Variants in TMCC1 observed in about 807,000 individuals in gnomAD.
TMCC1 encodes transmembrane and coiled-coil domains protein 1.
Under a neutral mutation model 52.4 loss-of-function variants are expected in TMCC1, and 15 were observed. The observed-to-expected ratio is 0.29, with a 90% CI of 0.19 to 0.44. The LOEUF (loss-of-function observed/expected upper bound fraction) is 0.44. Among genes scored for constraint, TMCC1 ranks in the 20% least tolerant of loss-of-function variants. TMCC1 has a pLI of 1.00. For synonymous variants in TMCC1, 279 were observed against 301.9 expected, an observed-to-expected ratio of 0.92 and a Z score of 0.79; for missense variants, 503 against 806.0, an observed-to-expected ratio of 0.62 and a Z score of 4.55.
At chr3:129,754,587 A>G (rs530789620) in intron 4 of TMCC1, among the ~76,000 whole-genome samples, 60 of 152,338 alleles carry the variant, frequency 3.9e-4, no homozygotes, top group South Asian at 1.0e-3. Context: ...CATTTTTACA[A>G]AGGTGCAAAG....
chr3:129,736,531 T>G (rs2050981803), intron 4 of TMCC1, among the ~76,000 whole-genome samples: 1 of 151,412 alleles, frequency 6.6e-6, no homozygotes, highest in South Asian at 2.1e-4. Flanking sequence ...TTTCTTTTTT[T>G]TTTTTTTTGA....
chr3:129,827,768 T>C (rs779308154), intron 4 of TMCC1, 35 bp downstream of exon 4: 2 of 1,594,246 alleles, frequency 1.3e-6, no homozygotes, highest in Non-Finnish European at 8.6e-7. Context: ...TGAAAAACAG[T>C]AAGTTAACAG....
intron 5 of TMCC1, among the ~76,000 whole-genome samples, chr3:129,669,436 A>T (rs548322055): frequency 5.8e-4 from 84 of 144,460 alleles, no homozygotes; most frequent in South Asian, 4.4e-3. Context: ...TTAGAAAAAA[A>T]TTTTTTTTTT....
intron 4 of TMCC1, among the ~76,000 whole-genome samples, chr3:129,684,554 C>G (rs1576439854): frequency 6.6e-6 from 1 of 152,208 alleles, no homozygotes; most frequent in Non-Finnish European, 1.5e-5. Context: ...GGATTCTGGA[C>G]TTACTCCAGA....
chr3:129,702,641 C>A (rs1470653077), intron 4 of TMCC1, among the ~76,000 whole-genome samples: 1 of 152,022 alleles, frequency 6.6e-6, no homozygotes, highest in African/African-American at 2.4e-5. Flanking sequence ...ATTTCCAAAT[C>A]CCAGGTGAAC....
chr3:129,760,730 G>A (rs1288242098), intron 4 of TMCC1, among the ~76,000 whole-genome samples: 1 of 151,614 alleles, frequency 6.6e-6, no homozygotes, highest in East Asian at 2.0e-4. Context: ...GCCCGCCTCG[G>A]GCTTCCAAAG....
intron 5 of TMCC1, among the ~76,000 whole-genome samples, chr3:129,660,470 T>C (rs992120591): frequency 3.9e-5 from 6 of 152,224 alleles, no homozygotes; most frequent in African/African-American, 1.2e-4. Context: ...TTCATTTCTT[T>C]ATGTCCACTT....
chr3:129,832,967 GT>G (rs1405233490), intron 2 of TMCC1, 141 bp from the exon 3 acceptor site: 1 of 151,946 alleles, frequency 6.6e-6, no homozygotes, highest in Admixed American at 6.6e-5. Context: ...AGTAGGGTTT[GT>G]TTTTTTCTAG....
chr3:129,763,094 A>T (rs2053748983), intron 4 of TMCC1, among the ~76,000 whole-genome samples: 1 of 151,332 alleles, frequency 6.6e-6, no homozygotes, highest in Admixed American at 6.6e-5. Flanking sequence ...GCTACTTGGG[A>T]GGCTGAGGCA....
chr3:129,722,111 T>A (rs1178877876), intron 4 of TMCC1, among the ~76,000 whole-genome samples: 1 of 151,984 alleles, frequency 6.6e-6, no homozygotes, highest in South Asian at 2.1e-4. Context: ...AGCAAGGAAA[T>A]AGTTTAATCC....
At chr3:129,654,360 G>C (rs1336562963) in intron 6 of TMCC1, among the ~76,000 whole-genome samples, 1 of 152,174 alleles carries the variant, frequency 6.6e-6, no homozygotes, top group Non-Finnish European at 1.5e-5. Context: ...GATTCTTTTA[G>C]GCTGTTGTAA....
At chr3:129,749,133 A>G (rs2052270692) in intron 4 of TMCC1, among the ~76,000 whole-genome samples, 1 of 151,794 alleles carries the variant, frequency 6.6e-6, no homozygotes, top group Non-Finnish European at 1.5e-5. Context: ...CACCAAAAAA[A>G]ATAATAATAA....
At chr3:129,759,709 ACT>A (rs2053347247) in intron 4 of TMCC1, among the ~76,000 whole-genome samples, 46 of 98,370 alleles carry the variant, frequency 4.7e-4, no homozygotes, top group African/African-American at 7.9e-4. Context: ...AGCCAGCCAA[ACT>A]TTTTTTTTTT....
At chr3:129,835,061 C>A (rs940936941) in intron 2 of TMCC1, among the ~76,000 whole-genome samples, 5 of 152,154 alleles carry the variant, frequency 3.3e-5, no homozygotes, top group Non-Finnish European at 5.9e-5. Flanking sequence ...TCTCTCACCA[C>A]CCTGGCCGAA....
chr3:129,885,392 G>A (rs1169797929), intron 1 of TMCC1, among the ~76,000 whole-genome samples: 1 of 150,136 alleles, frequency 6.7e-6, no homozygotes, highest in Non-Finnish European at 1.5e-5. Flanking sequence ...GTTCAAGACC[G>A]GCCTGACCAA....
At chr3:129,789,136 A>C (rs2056265924) in intron 4 of TMCC1, among the ~76,000 whole-genome samples, 1 of 152,166 alleles carries the variant, frequency 6.6e-6, no homozygotes, top group East Asian at 1.9e-4. Context: ...TACTGACTCT[A>C]CCTATGCATT....
chr3:129,877,198 G>A (rs1191368953), intron 2 of TMCC1, among the ~76,000 whole-genome samples: 3 of 152,154 alleles, frequency 2.0e-5, no homozygotes, highest in Non-Finnish European at 4.4e-5. Context: ...ACCTCCAACC[G>A]CTCCACTAAA....
intron 4 of TMCC1, among the ~76,000 whole-genome samples, chr3:129,701,242 A>G (rs1450983110): frequency 6.6e-6 from 1 of 152,220 alleles, no homozygotes; most frequent in African/African-American, 2.4e-5. Context: ...ATCCGCAGTC[A>G]CTGAAAACAG....
chr3:129,685,667 G>GTTCTAAAT (rs2089347399), intron 4 of TMCC1, among the ~76,000 whole-genome samples: 1 of 152,182 alleles, frequency 6.6e-6, no homozygotes, highest in South Asian at 2.1e-4. Context: ...CTAAACTACT[G>GTTCTAAAT]TTCTAAATTT....
Sources: allele counts gnomAD v4.1 joint callset (sites outside exome capture counted in the v4.1 genomes callset), GRCh38; gene constraint gnomAD v4.1.1; transcripts MANE v1.5; gene names NCBI Gene and HGNC (gene_info 2026-07-23, HGNC 2026-07-21).